Variants in SMO observed in about 807,000 individuals in gnomAD.
SMO encodes smoothened, frizzled class receptor, also known as protein smoothened.
SMO carries 40 observed loss-of-function variants against 81.6 expected under a neutral mutation model. That is an observed-to-expected ratio of 0.49 (90% CI 0.38 to 0.64). SMO has a LOEUF of 0.64. SMO is among the 30% of genes least tolerant of loss of function. The pLI, the probability that SMO is intolerant of heterozygous loss-of-function variation, is 0.00. For missense variants in SMO, 916 were observed against 1,061.1 expected (o/e 0.86, Z 1.90); for synonymous variants, 434 against 432.1 (o/e 1.00, Z -0.05).
intron 1 of SMO, among the ~76,000 whole-genome samples, chr7:129,193,956 C>T (rs1238114276): frequency 2.0e-5 from 3 of 148,112 alleles, no homozygotes; most frequent in South Asian, 4.3e-4. Context: ...AAAAATTAGC[C>T]GGGCATGTTG....
At chr7:129,195,869 A>G (rs764890831) in intron 1 of SMO, among the ~76,000 whole-genome samples, 8 of 152,104 alleles carry the variant, frequency 5.3e-5, no homozygotes, top group Non-Finnish European at 8.8e-5. Context: ...TGGGAGGTCA[A>G]GGTGGGCAGA....
intron 1 of SMO, among the ~76,000 whole-genome samples, chr7:129,201,186 A>T (rs1236776292): frequency 6.6e-6 from 1 of 151,346 alleles, no homozygotes; most frequent in Non-Finnish European, 1.5e-5. Context: ...AGCTGGGATT[A>T]CAGGCATGTG....
chr7:129,189,211 G>A lies in SMO; in HGVS notation c.60G>A (p.Leu20=), dbSNP rs1209782769. 8.6e-7 allele frequency: 1 copy of A among 1,166,296 alleles called. No homozygotes were observed. The highest frequency in any genetic ancestry group is 1.1e-6 in the Non-Finnish European group (1 of 931,102). 72.2% of individuals were successfully genotyped at this position (1,166,296 alleles called of 1,614,324 possible). The part of the protein sequence containing the change: ...PELPLLGLLL[L]LLLGDPGRGA... ...TCCCGCTCCTGGGGCTGCTGCTGCTGCTGCTGCTGGGGGACCCGGGCCGGG... is the reference window on the plus strand; with the variant it reads ...TCCCGCTCCTGGGGCTGCTGCTGCTACTGCTGCTGGGGGACCCGGGCCGGG... The change falls in exon 1 of 12, where the codon CTG becomes CTA. Residue 20 remains leucine (L), a synonymous_variant. Transcript: ENST00000249373. This position sits in a 1 kb window ranked among gnomAD's most constrained non-coding sequence, Gnocchi z 4.7.
chr7:129,201,861 A>G (rs1793675856), intron 1 of SMO, among the ~76,000 whole-genome samples: 1 of 151,832 alleles, frequency 6.6e-6, no homozygotes, highest in Admixed American at 6.6e-5. Flanking sequence ...TTGTATTTTT[A>G]GTAGAGACGG....
chr7:129,189,617 CCGA>C lies in SMO; in HGVS notation c.331+136_331+138del. 1.0e-6 allele frequency: 1 copy of C among 989,664 alleles called. No individual in the cohort carries two copies. The highest frequency in any genetic ancestry group is 1.5e-6 in the Non-Finnish European group (1 of 689,272). The allele number at this position is 989,664 out of a possible 1,614,324, so 61.3% of individuals were successfully genotyped here. A position where few individuals can be genotyped will look rare whatever the true frequency, so the allele number is the denominator to read the frequency against. The stretch of plus-strand genomic sequence containing the variant: ...CCCGGGAGAGTTGGAGGGACAGATC[CCGA>C]AACTTTGGGGGCAGGTTACGTGCAG... On this transcript the variant is annotated intron_variant, in intron 1 of 11. Coordinates refer to ENST00000249373, the MANE Select transcript of SMO (RefSeq NM_005631.5). The surrounding 1 kb of genome is among the most constrained non-coding windows in gnomAD (Gnocchi z 4.7).
intron 1 of SMO, among the ~76,000 whole-genome samples, chr7:129,199,667 C>G (rs1278300826): frequency 6.6e-6 from 1 of 151,936 alleles, no homozygotes; most frequent in African/African-American, 2.4e-5. Flanking sequence ...ACCTGGGGAG[C>G]TGAAGGCTGC....
chr7:129,201,458 T>C (rs919012386), intron 1 of SMO, among the ~76,000 whole-genome samples: 14 of 152,302 alleles, frequency 9.2e-5, no homozygotes, highest in Admixed American at 5.2e-4. Flanking sequence ...AAATTGACTT[T>C]TTCTTGTACA....
intron 1 of SMO, among the ~76,000 whole-genome samples, chr7:129,196,572 A>T (rs927075551): frequency 6.6e-6 from 1 of 152,154 alleles, no homozygotes; most frequent in Non-Finnish European, 1.5e-5. Flanking sequence ...TTGAACATTT[A>T]TATATTTCTA....
In SMO at chr7:129,206,731, C is replaced by T. The variant is rs941905782; in HGVS notation, c.1264+144C>T. 3 of 817,470 alleles carry T rather than the reference C, an allele frequency of 3.7e-6. No homozygotes were observed. The highest frequency in any genetic ancestry group is 3.4e-5 in the African/African-American group (2 of 58,844). The allele number at this position is 817,470 out of a possible 1,614,324, so 50.6% of individuals were successfully genotyped here. On this transcript the variant is annotated intron_variant, in intron 6 of 11. Transcript: ENST00000249373. The surrounding 1 kb of genome is among the most constrained non-coding windows in gnomAD (Gnocchi z 4.4). ...GGCCTTCACACAGTAGAAGGTGACC[C>T]TCTAGGCAGACGAAACACCGTGAGC... is the stretch of plus-strand genomic sequence containing the variant.
chr7:129,206,709 C>A lies in SMO; in HGVS notation c.1264+122C>A. 1 of 940,572 alleles carries A rather than the reference C, an allele frequency of 1.1e-6. No homozygotes were observed. The highest frequency in any genetic ancestry group is 1.5e-6 in the Non-Finnish European group (1 of 650,844). The allele number at this position is 940,572 out of a possible 1,614,324, so 58.3% of individuals were successfully genotyped here. On this transcript the variant is annotated intron_variant, in intron 6 of 11. Transcript: ENST00000249373. The surrounding 1 kb of genome is among the most constrained non-coding windows in gnomAD (Gnocchi z 4.4). Reference sequence around the variant, plus strand: ...AAACCCCAGCTAGCTCCTATAGGGCCTTCACACAGTAGAAGGTGACCCTCT... The same window carrying A: ...AAACCCCAGCTAGCTCCTATAGGGCATTCACACAGTAGAAGGTGACCCTCT...
Position 129,189,893 on chromosome 7 carries a change from G to A in SMO, c.331+411G>A, listed in dbSNP as rs1337753073. On this transcript the variant is annotated intron_variant, in intron 1 of 11. Transcript: ENST00000249373. This position sits in a 1 kb window ranked among gnomAD's most constrained non-coding sequence, Gnocchi z 4.7. ...ATTGGAGTTGGAGAGGAAAAGGGGA[G>A]GGATGACGGAGGAAGAGGTTTAGAC... 6.6e-6 allele frequency among the ~76,000 whole-genome samples: 1 copy of A among 152,152 alleles called. No individual in the cohort carries two copies. The highest frequency in any genetic ancestry group is 2.4e-5 in the African/African-American group (1 of 41,418).
intron 1 of SMO, among the ~76,000 whole-genome samples, chr7:129,196,519 GA>G (rs567432818): frequency 9.4e-5 from 14 of 148,662 alleles, no homozygotes; most frequent in East Asian, 5.9e-4. Flanking sequence ...GATTAACTTG[GA>G]AAAAAAAAGA....
chr7:129,211,488 G>T lies in SMO; in HGVS notation c.1802-148G>T. On this transcript the variant is annotated intron_variant, in intron 10 of 11. Coordinates refer to ENST00000249373, the MANE Select transcript of SMO (RefSeq NM_005631.5). The surrounding 1 kb of genome is among the most constrained non-coding windows in gnomAD (Gnocchi z 4.6). Reference sequence around the variant, plus strand: ...GCCCTTCTCTTCAGATTCTGAAGGGGTAGAGATCACCGTGGTTACAGGGTG... The same window carrying T: ...GCCCTTCTCTTCAGATTCTGAAGGGTTAGAGATCACCGTGGTTACAGGGTG... 1 of 876,644 alleles carries T rather than the reference G, an allele frequency of 1.1e-6. No homozygotes were observed. Among genetic ancestry groups the T allele is most frequent in the Non-Finnish European group, 1.9e-6 (1 of 535,122 alleles). The allele number at this position is 876,644 out of a possible 1,614,324, so 54.3% of individuals were successfully genotyped here.
rs2150655043 is a variant in SMO at position 129,211,175 on chromosome 7, TC to T, written c.1801+65del. ...CCCGCGCTGCCCATGTGCTAGTCTC[TC>T]CCAGCCTGCTGGGGGCACACAGATT... is the stretch of plus-strand genomic sequence containing the variant. On this transcript the variant is annotated intron_variant, in intron 10 of 11. Coordinates refer to ENST00000249373, the MANE Select transcript of SMO (RefSeq NM_005631.5). This position sits in a 1 kb window ranked among gnomAD's most constrained non-coding sequence, Gnocchi z 4.6. The T allele has an allele frequency of 6.6e-7, 1 of 1,516,272 alleles. No individual in the cohort carries two copies. Among genetic ancestry groups the T allele is most frequent in the Non-Finnish European group, 9.0e-7 (1 of 1,113,704 alleles). 93.9% of individuals were successfully genotyped at this position (1,516,272 alleles called of 1,614,324 possible). A position where few individuals can be genotyped will look rare whatever the true frequency, so the allele number is the denominator to read the frequency against.
In SMO at chr7:129,206,641, G is replaced by C. The variant is rs1240859997; in HGVS notation, c.1264+54G>C. 5.0e-6 allele frequency: 8 copies of C among 1,592,946 alleles called. No individual in the cohort carries two copies. The highest frequency in any genetic ancestry group is 6.9e-6 in the Non-Finnish European group (8 of 1,166,516). Reference sequence around the variant, plus strand: ...GGGCAACAAAATATACTGGGCACTTGCTGCCAGTACTGGGAGCTGCCAGCA... The same window carrying C: ...GGGCAACAAAATATACTGGGCACTTCCTGCCAGTACTGGGAGCTGCCAGCA... On this transcript the variant is annotated intron_variant, in intron 6 of 11. Coordinates refer to ENST00000249373, the MANE Select transcript of SMO (RefSeq NM_005631.5). The surrounding 1 kb of genome is among the most constrained non-coding windows in gnomAD (Gnocchi z 4.4).
In SMO at chr7:129,209,357, A is replaced by C. The variant is rs1316076818; in HGVS notation, c.1426A>C (p.Asn476His). ...TFSCHFYDFF[N>H]QAEWERSFRD... ...CAGCTGCCACTTCTACGACTTCTTC[A>C]ACCAGGCTGAGTGGGAGCGCAGCTT... is the stretch of plus-strand genomic sequence containing the variant. Residue 476 changes from asparagine (N) to histidine (H), a missense_variant, in exon 8 of 12, where the codon AAC (asparagine) becomes CAC (histidine). Physicochemically the swap from Asn to His is moderately conservative, Grantham distance 68 (BLOSUM62 1). Transcript: ENST00000249373. 1.2e-6 allele frequency: 2 copies of C among 1,613,880 alleles called. No individual in the cohort carries two copies. The highest frequency in any genetic ancestry group is 1.7e-6 in the Non-Finnish European group (2 of 1,179,900).
chr7:129,196,109 A>C (rs571188704), intron 1 of SMO, among the ~76,000 whole-genome samples: 1 of 151,768 alleles, frequency 6.6e-6, no homozygotes, highest in Non-Finnish European at 1.5e-5. Flanking sequence ...TCAAAAAAAA[A>C]AAAAAGAAAA....
At position 129,211,697 on chromosome 7, in the gene SMO, T is replaced by A. The variant is rs1793872306; in HGVS notation, c.1863T>A (p.His621Gln). The part of the protein sequence containing the change: ...SADVSSAWAQ[H>Q]VTKMVARRGA... ...ATGTCTCCTCTGCCTGGGCCCAGCA[T>A]GTCACCAAGATGGTGGCTCGGAGAG... is the stretch of plus-strand genomic sequence containing the variant. The change falls in exon 11 of 12, where the codon CAT (histidine) becomes CAA (glutamine). Residue 621 changes from histidine to glutamine, a missense_variant. Coordinates refer to ENST00000249373, the MANE Select transcript of SMO (RefSeq NM_005631.5). The surrounding 1 kb of genome is among the most constrained non-coding windows in gnomAD (Gnocchi z 4.6). The A allele has an allele frequency of 8.1e-6, 13 of 1,613,760 alleles. No homozygotes were observed. Among genetic ancestry groups the A allele is most frequent in the Non-Finnish European group, 1.1e-5 (13 of 1,179,994 alleles).
At chr7:129,205,162 T>G in intron 2 of SMO, 41 bp from the exon 3 acceptor site, 221 of 1,570,142 alleles carry the variant, frequency 1.4e-4, no homozygotes, top group Non-Finnish European at 1.7e-4. Context: ...GGCTCGTCCC[T>G]GAGCTGCCTT....
Sources: gnomAD v4.1 joint callset for allele counts (sites outside exome capture counted in the v4.1 genomes callset) on GRCh38, gnomAD v4.1.1 for gene constraint, Gnocchi (gnomAD v3.1) non-coding constraint, MANE v1.5 for transcripts, NCBI Gene and HGNC (gene_info 2026-07-23, HGNC 2026-07-21) for gene names.